Variants in UBE2J1 observed in about 807,000 individuals in gnomAD.
UBE2J1 encodes the protein ubiquitin-conjugating enzyme E2 J1.
UBE2J1 carries 17 observed loss-of-function variants against 42.1 expected under a neutral mutation model. The ratio of observed to expected loss-of-function variants is 0.40; its 90% confidence interval spans 0.28 to 0.61. The LOEUF (loss-of-function observed/expected upper bound fraction) is 0.61. UBE2J1 is among the 20% of genes least tolerant of loss of function. UBE2J1 has a pLI of 0.38. For missense variants in UBE2J1, 291 were observed against 389.4 expected (o/e 0.75, Z 2.13); for synonymous variants, 127 against 137.2 (o/e 0.93, Z 0.52).
In UBE2J1 at chr6:89,352,665, G is replaced by A. The variant is rs1582492824; in HGVS notation, c.-96C>T. 2.9e-6 allele frequency: 4 copies of A among 1,366,672 alleles called. No homozygotes were observed. The Admixed American group carries it at 1.2e-4, about 39-fold the overall frequency. The allele number at this position is 1,366,672 out of a possible 1,614,324, so 84.7% of individuals were successfully genotyped here. A position where few individuals can be genotyped will look rare whatever the true frequency, so the allele number is the denominator to read the frequency against. ...TCTCAGCGCGGCTCGGGCGGACGGG[G>A]CCTGGCCGAGGAGCCTCGGCAAATG... On this transcript the variant is annotated 5_prime_UTR_variant, in exon 1 of 8. Coordinates refer to ENST00000435041, the MANE Select transcript of UBE2J1 (RefSeq NM_016021.3).
chr6:89,335,752 C>T (rs79179041), intron 5 of UBE2J1, among the ~76,000 whole-genome samples: 2,787 of 152,054 alleles, frequency 0.018, 92 homozygotes, highest in African/African-American at 0.064. Flanking sequence ...ATATAACAAA[C>T]CTATTTTAAG....
At chr6:89,338,897 C>T (rs1322537774) in intron 3 of UBE2J1, among the ~76,000 whole-genome samples, 1 of 151,924 alleles carries the variant, frequency 6.6e-6, no homozygotes, top group Non-Finnish European at 1.5e-5. Flanking sequence ...GATATCCTGA[C>T]CTTGTGATCT....
chr6:89,327,359 G>C lies in UBE2J1; in HGVS notation c.*2320C>G, dbSNP rs964332215. ...TTTAGCTGTATGCTGGAATTAAGGAGTTAAAGTAGGGCTTTAAAGATAATA... is the reference window on the plus strand; with the variant it reads ...TTTAGCTGTATGCTGGAATTAAGGACTTAAAGTAGGGCTTTAAAGATAATA... On this transcript the variant is annotated 3_prime_UTR_variant, in exon 8 of 8. Transcript: ENST00000435041. 2.0e-5 allele frequency: 3 copies of C among 152,160 alleles called. No homozygotes were observed. Among genetic ancestry groups the C allele is most frequent in the Admixed American group, 1.3e-4 (2 of 15,272 alleles). The allele number at this position is 152,160 out of a possible 1,614,324, so 9.4% of individuals were successfully genotyped here.
chr6:89,338,718 T>A (rs1768166590), intron 3 of UBE2J1, among the ~76,000 whole-genome samples, 175 bp from the exon 4 acceptor site: 1 of 130,708 alleles, frequency 7.7e-6, no homozygotes, highest in Non-Finnish European at 1.5e-5. Flanking sequence ...CAGGCTGGAG[T>A]GCAGTGGTGT....
rs529928903 is a variant in UBE2J1 at position 89,335,156 on chromosome 6, G to T, written c.558+146C>A. ...TATATACACCTACTATGTAACCACA[G>T]AAATTAAAAATATAAAAATATGAAA... On this transcript the variant is annotated intron_variant, in intron 6 of 7. Coordinates refer to ENST00000435041, the MANE Select transcript of UBE2J1 (RefSeq NM_016021.3). The T allele has an allele frequency of 5.3e-4, 378 of 707,364 alleles. 1 individual carries two copies. The highest frequency in any genetic ancestry group is 1.0e-3 in the Admixed American group (28 of 26,692). The allele number at this position is 707,364 out of a possible 1,614,324, so 43.8% of individuals were successfully genotyped here.
chr6:89,339,683 C>T (rs1354928872), intron 3 of UBE2J1, among the ~76,000 whole-genome samples: 1 of 43,798 alleles, frequency 2.3e-5, no homozygotes, highest in Non-Finnish European at 4.6e-5. Context: ...TAATGTCCTA[C>T]CCTGTGCCTA....
chr6:89,337,014 ATT>A (rs1213269570), intron 5 of UBE2J1, among the ~76,000 whole-genome samples: 2 of 151,660 alleles, frequency 1.3e-5, no homozygotes, highest in Non-Finnish European at 2.9e-5. Flanking sequence ...TAATTTTTGT[ATT>A]TTTTTGTAGA....
chr6:89,343,622 T>C (rs1294618901), intron 2 of UBE2J1, 61 bp downstream of exon 2: 6 of 1,335,866 alleles, frequency 4.5e-6, no homozygotes, highest in Non-Finnish European at 6.2e-6. Flanking sequence ...TGAAAAGCAA[T>C]TTTAAAAAAT....
chr6:89,335,195 G>T, intron 6 of UBE2J1, 107 bp downstream of exon 6: 1 of 1,059,604 alleles, frequency 9.4e-7, no homozygotes, highest in Non-Finnish European at 1.3e-6. Flanking sequence ...GAAAAACATT[G>T]GCAAATGTCA....
intron 1 of UBE2J1, among the ~76,000 whole-genome samples, chr6:89,351,142 C>A (rs1490368072): frequency 8.3e-6 from 1 of 120,652 alleles, no homozygotes; most frequent in African/African-American, 3.3e-5. Context: ...AGTGCAGTGG[C>A]GCGATCTCGG....
intron 3 of UBE2J1, among the ~76,000 whole-genome samples, chr6:89,341,551 T>C (rs1035090294): frequency 6.6e-6 from 1 of 151,934 alleles, no homozygotes; most frequent in Non-Finnish European, 1.5e-5. Context: ...AATGAGACCA[T>C]GTCTCTACCA....
chr6:89,338,880 T>C (rs555002677), intron 3 of UBE2J1, among the ~76,000 whole-genome samples: 10 of 152,034 alleles, frequency 6.6e-5, no homozygotes, highest in Non-Finnish European at 1.3e-4. Context: ...TTAGCCAGGA[T>C]GGTCTCGATA....
chr6:89,345,458 C>A (rs950420778), intron 1 of UBE2J1, among the ~76,000 whole-genome samples: 1 of 151,496 alleles, frequency 6.6e-6, no homozygotes, highest in African/African-American at 2.4e-5. Context: ...AAAAATTAGC[C>A]AGGCATGGTG....
chr6:89,335,158 A>T, intron 6 of UBE2J1, 144 bp downstream of exon 6: 1 of 717,588 alleles, frequency 1.4e-6, no homozygotes, highest in South Asian at 3.8e-5. Flanking sequence ...TAACCACAGA[A>T]ATTAAAAATA....
intron 3 of UBE2J1, among the ~76,000 whole-genome samples, chr6:89,341,268 C>T (rs186595352): frequency 2.6e-4 from 39 of 152,156 alleles, no homozygotes; most frequent in African/African-American, 8.7e-4. Flanking sequence ...GGCCAAACTA[C>T]GGAAAGGATG....
At chr6:89,349,605 A>G (rs1186237243) in intron 1 of UBE2J1, among the ~76,000 whole-genome samples, 1 of 152,172 alleles carries the variant, frequency 6.6e-6, no homozygotes, top group Non-Finnish European at 1.5e-5. Context: ...AAGAAAACTG[A>G]TGAGTTTTGT....
intron 1 of UBE2J1, among the ~76,000 whole-genome samples, chr6:89,349,281 G>C (rs1321772331): frequency 6.6e-6 from 1 of 152,166 alleles, no homozygotes; most frequent in African/African-American, 2.4e-5. Flanking sequence ...AGGCTGGTGA[G>C]GAAGGGCAGG....
intron 7 of UBE2J1, 88 bp downstream of exon 7, chr6:89,332,998 C>G: frequency 7.8e-7 from 1 of 1,286,552 alleles, no homozygotes; most frequent in Non-Finnish European, 1.0e-6. Context: ...CCAAATTTTT[C>G]AGATATTTGA....
chr6:89,335,733 T>C (rs966713015), intron 5 of UBE2J1, among the ~76,000 whole-genome samples: 1 of 152,196 alleles, frequency 6.6e-6, no homozygotes, highest in East Asian at 1.9e-4. Context: ...ATACTGTCCT[T>C]GAGATCACAT....
Sources: gnomAD v4.1 joint callset for allele counts (sites outside exome capture counted in the v4.1 genomes callset) on GRCh38, gnomAD v4.1.1 for gene constraint, MANE v1.5 for transcripts, NCBI Gene and HGNC (gene_info 2026-07-23, HGNC 2026-07-21) for gene names.